DAPK1: variants seen among roughly 807,000 people sequenced by gnomAD.
The protein encoded by DAPK1 is death-associated protein kinase 1.
Under a neutral mutation model 144.9 loss-of-function variants are expected in DAPK1, and 56 were observed. That is an observed-to-expected ratio of 0.39 (90% CI 0.31 to 0.48). The LOEUF (loss-of-function observed/expected upper bound fraction) is 0.48. Among genes scored for constraint, DAPK1 ranks in the 20% least tolerant of loss-of-function variants. DAPK1 has a pLI of 0.95. For synonymous variants in DAPK1, 690 were observed against 749.0 expected, an observed-to-expected ratio of 0.92 and a Z score of 1.29; for missense variants, 1,454 against 1,875.4, an observed-to-expected ratio of 0.78 and a Z score of 4.15.
intron 20 of DAPK1, 78 bp downstream of exon 20, chr9:87,681,704 A>G (rs772196364): frequency 1.3e-6 from 1 of 792,250 alleles, no homozygotes; most frequent in Non-Finnish European, 2.2e-6. Flanking sequence ...TCTAGGGGGG[A>G]AGGGAGTTGT....
chr9:87,672,375 G>T (rs899633432), intron 19 of DAPK1, among the ~76,000 whole-genome samples: 1 of 152,156 alleles, frequency 6.6e-6, no homozygotes, highest in Admixed American at 6.5e-5. Context: ...ATACTAATCA[G>T]TGCAGACCTG....
At chr9:87,535,672 A>T (rs985201549) in intron 2 of DAPK1, among the ~76,000 whole-genome samples, 4 of 152,142 alleles carry the variant, frequency 2.6e-5, no homozygotes, top group South Asian at 2.1e-4. Flanking sequence ...ATAATTCAAG[A>T]TCTCTTAGAT....
rs372014079 is a variant in DAPK1 at position 87,676,106 on chromosome 9, G to A, written c.2002-5298G>A. On this transcript the variant is annotated intron_variant, in intron 19 of 25. Coordinates refer to ENST00000408954, the MANE Select transcript of DAPK1 (RefSeq NM_004938.4). ...GCACTTCAAACCATGAGCCAAAAAT[G>A]TCGGTGGCACCATAGTCCCCTCTCC... Among the ~76,000 whole-genome samples, 14 of 152,264 alleles carry A rather than the reference G, an allele frequency of 9.2e-5. No individual in the cohort carries two copies. In the East Asian group the frequency reaches 2.1e-3, roughly 23 times the overall value.
intron 2 of DAPK1, chr9:87,506,792 A>T (rs1376297293): frequency 6.6e-6 from 1 of 152,244 alleles, no homozygotes; most frequent in South Asian, 2.1e-4. Context: ...CTTTGGGTAC[A>T]TTCTATTATA....
At chr9:87,526,815 C>T (rs1246044662) in intron 2 of DAPK1, among the ~76,000 whole-genome samples, 2 of 152,162 alleles carry the variant, frequency 1.3e-5, no homozygotes, top group Middle Eastern at 3.2e-3. Context: ...GTTATTCTCT[C>T]CTCTCTCTGG....
intron 21 of DAPK1, among the ~76,000 whole-genome samples, chr9:87,690,918 G>A (rs557974513): frequency 6.6e-6 from 1 of 151,998 alleles, no homozygotes; most frequent in Non-Finnish European, 1.5e-5. Context: ...TGGTTTACTA[G>A]TATATTGTGA....
chr9:87,664,616 C>T (rs1018782211), intron 18 of DAPK1, among the ~76,000 whole-genome samples: 8 of 152,186 alleles, frequency 5.3e-5, no homozygotes, highest in Admixed American at 2.6e-4. Context: ...GAATCGTATC[C>T]GGATTTCTCC....
At chr9:87,701,451 A>C (rs1156892443) in intron 24 of DAPK1, among the ~76,000 whole-genome samples, 1 of 152,204 alleles carries the variant, frequency 6.6e-6, no homozygotes, top group Non-Finnish European at 1.5e-5. Flanking sequence ...AAAATGTAAA[A>C]ATTTTTAAAA....
chr9:87,537,657 C>A (rs773514405), intron 2 of DAPK1, among the ~76,000 whole-genome samples: 1 of 151,698 alleles, frequency 6.6e-6, no homozygotes. Flanking sequence ...TCTGTGTGTG[C>A]GCGTTAGTGT....
intron 18 of DAPK1, chr9:87,668,357 A>G (rs1016386086): frequency 3.1e-5 from 16 of 508,364 alleles, no homozygotes; most frequent in Non-Finnish European, 5.3e-5. Context: ...AGGTGTCGCT[A>G]TTGGACAGGA....
At chr9:87,663,698 T>C (rs1302369900) in intron 18 of DAPK1, among the ~76,000 whole-genome samples, 1 of 151,980 alleles carries the variant, frequency 6.6e-6, no homozygotes, top group Non-Finnish European at 1.5e-5. Flanking sequence ...CTGAGGCCCA[T>C]GCTCAGGTCT....
chr9:87,674,999 A>G (rs1824310809), intron 19 of DAPK1, among the ~76,000 whole-genome samples: 2 of 152,254 alleles, frequency 1.3e-5, no homozygotes, highest in Non-Finnish European at 2.9e-5. Flanking sequence ...CAGAGACCAC[A>G]GTGAACAAAA....
At chr9:87,704,668 A>G (rs1825572315) in intron 25 of DAPK1, among the ~76,000 whole-genome samples, 1 of 152,228 alleles carries the variant, frequency 6.6e-6, no homozygotes. Flanking sequence ...TTTAGGACCA[A>G]ACTGCAAATG....
chr9:87,634,866 C>T (rs1829835966), intron 3 of DAPK1, among the ~76,000 whole-genome samples: 1 of 152,116 alleles, frequency 6.6e-6, no homozygotes, highest in Non-Finnish European at 1.5e-5. Flanking sequence ...ACCCCAACGC[C>T]AAAGAACCTG....
intron 2 of DAPK1, among the ~76,000 whole-genome samples, chr9:87,552,729 C>T (rs1438728085): frequency 1.3e-5 from 2 of 150,962 alleles, no homozygotes. Context: ...GTAGCTAGGA[C>T]TATAGACATG....
At chr9:87,523,741 A>G (rs1276739477) in intron 2 of DAPK1, among the ~76,000 whole-genome samples, 2 of 152,170 alleles carry the variant, frequency 1.3e-5, no homozygotes, top group Non-Finnish European at 2.9e-5. Context: ...TAGTTTTTCC[A>G]GAGCCCCTCA....
intron 3 of DAPK1, among the ~76,000 whole-genome samples, chr9:87,608,806 G>A (rs1828821896): frequency 6.6e-6 from 1 of 152,176 alleles, no homozygotes. Flanking sequence ...CACAGGGCTA[G>A]ACAGGTCCCT....
intron 2 of DAPK1, among the ~76,000 whole-genome samples, chr9:87,598,389 C>T (rs540219158): frequency 6.6e-6 from 1 of 152,172 alleles, no homozygotes; most frequent in Non-Finnish European, 1.5e-5. Flanking sequence ...CATCGTAATA[C>T]TAGTTACCAT....
At chr9:87,504,577 G>T (rs36228625) in intron 2 of DAPK1, among the ~76,000 whole-genome samples, 2,284 of 152,186 alleles carry the variant, frequency 0.015, 53 homozygotes, top group African/African-American at 0.053. Context: ...GAAACTGAAG[G>T]CCCCATATCA....
Sources: gnomAD v4.1 joint callset for allele counts (sites outside exome capture counted in the v4.1 genomes callset) on GRCh38, gnomAD v4.1.1 for gene constraint, MANE v1.5 for transcripts, NCBI Gene and HGNC (gene_info 2026-07-23, HGNC 2026-07-21) for gene names.